The following CNTNAP5 variants were observed in gnomAD, a reference collection of about 807,000 sequenced individuals.
The protein encoded by CNTNAP5 is contactin associated protein family member 5, also known as contactin-associated protein-like 5.
CNTNAP5 carries 72 observed loss-of-function variants against 150.2 expected under a neutral mutation model. The ratio of observed to expected loss-of-function variants is 0.48; its 90% CI spans 0.40 to 0.58. The LOEUF (loss-of-function observed/expected upper bound fraction) is 0.58, where lower values mean the gene tolerates loss of function less well. Among genes scored for constraint, CNTNAP5 ranks in the 20% least tolerant of loss-of-function variants. CNTNAP5 has a pLI of 0.00. For synonymous variants in CNTNAP5, 672 were observed against 619.8 expected (o/e 1.08, Z -1.25); for missense variants, 1,636 against 1,626.2 (o/e 1.01, Z -0.10).
chr2:124,799,975 G>GTGA (rs1681931902), intron 19 of CNTNAP5, among the ~76,000 whole-genome samples: 1 of 152,210 alleles, frequency 6.6e-6, no homozygotes, highest in South Asian at 2.1e-4. Flanking sequence ...AGCCCTTTAT[G>GTGA]TGATTATGAT....
At chr2:124,240,792 A>C (rs1686866626) in intron 2 of CNTNAP5, among the ~76,000 whole-genome samples, 1 of 152,196 alleles carries the variant, frequency 6.6e-6, no homozygotes, top group South Asian at 2.1e-4. Flanking sequence ...TTAAAGACAG[A>C]ATAGGATTGG....
intron 7 of CNTNAP5, among the ~76,000 whole-genome samples, chr2:124,486,405 C>T (rs567363252): frequency 1.3e-5 from 2 of 152,152 alleles, no homozygotes; most frequent in Non-Finnish European, 2.9e-5. Context: ...CACTAAAGAA[C>T]TTACCGATGT....
chr2:124,829,626 C>A (rs1682671101), intron 19 of CNTNAP5, among the ~76,000 whole-genome samples: 1 of 151,694 alleles, frequency 6.6e-6, no homozygotes, highest in Non-Finnish European at 1.5e-5. Context: ...AATCATGCAA[C>A]AAAATTGGAA....
chr2:124,728,458 A>C (rs576009508), intron 13 of CNTNAP5, among the ~76,000 whole-genome samples: 31 of 152,144 alleles, frequency 2.0e-4, no homozygotes, highest in Middle Eastern at 3.4e-3. Flanking sequence ...TGCAATATTC[A>C]TACTCATTAT....
intron 3 of CNTNAP5, among the ~76,000 whole-genome samples, chr2:124,347,274 C>G (rs1239940756): frequency 6.6e-6 from 1 of 152,146 alleles, no homozygotes; most frequent in Non-Finnish European, 1.5e-5. Context: ...TGGAGAAAGA[C>G]TAGCTAAGGC....
intron 19 of CNTNAP5, among the ~76,000 whole-genome samples, chr2:124,823,922 CTT>C (rs758235068): frequency 5.7e-5 from 8 of 140,344 alleles, no homozygotes; most frequent in African/African-American, 7.9e-5. Context: ...TTTTTTTTTT[CTT>C]TTTTTTTTTT....
chr2:124,713,315 T>C (rs866482190), intron 13 of CNTNAP5, among the ~76,000 whole-genome samples: 93 of 96,740 alleles, frequency 9.6e-4, no homozygotes, highest in Admixed American at 1.6e-3. Context: ...TTTCTCTTTC[T>C]TTCCTTTCTT....
chr2:124,158,357 T>C (rs751986544), intron 1 of CNTNAP5, among the ~76,000 whole-genome samples: 3 of 152,226 alleles, frequency 2.0e-5, no homozygotes, highest in Non-Finnish European at 4.4e-5. Context: ...AAATTCCTTA[T>C]ATAAAATGGC....
At chr2:124,128,684 G>A (rs1372083623) in intron 1 of CNTNAP5, among the ~76,000 whole-genome samples, 6 of 152,140 alleles carry the variant, frequency 3.9e-5, no homozygotes, top group African/African-American at 1.2e-4. Flanking sequence ...ATGATATACT[G>A]GATTAAGAAA....
intron 2 of CNTNAP5, among the ~76,000 whole-genome samples, chr2:124,241,072 C>A (rs1413046507): frequency 1.3e-5 from 2 of 152,138 alleles, no homozygotes; most frequent in Non-Finnish European, 2.9e-5. Flanking sequence ...CTATCTCTAC[C>A]CATGGCATAA....
At chr2:124,330,832 T>C (rs891861705) in intron 3 of CNTNAP5, among the ~76,000 whole-genome samples, 2 of 152,128 alleles carry the variant, frequency 1.3e-5, no homozygotes, top group African/African-American at 2.4e-5. Flanking sequence ...CTGGAAGTCA[T>C]AGAATGCTTA....
chr2:124,163,735 A>C (rs1684743187), intron 1 of CNTNAP5, among the ~76,000 whole-genome samples: 1 of 151,772 alleles, frequency 6.6e-6, no homozygotes, highest in African/African-American at 2.4e-5. Flanking sequence ...CACCTTAATA[A>C]CTCTCCTCTT....
rs183619449 is a variant in CNTNAP5 at position 124,482,706 on chromosome 2, C to T, written c.1062+7824C>T. Among the ~76,000 whole-genome samples the T allele has an allele frequency of 3.3e-5, 5 of 152,160 alleles. No individual in the cohort carries two copies. The East Asian group carries it at 7.7e-4, about 24-fold the overall frequency. On this transcript the variant is annotated intron_variant, in intron 7 of 23. Transcript: ENST00000682447. ...TGGTGTGAAAAAGGAAGGAGGGCAG[C>T]GAAGGGCAGAGTGTGGAATCCCACT...
At chr2:124,386,154 C>G (rs1690921697) in intron 3 of CNTNAP5, among the ~76,000 whole-genome samples, 1 of 152,102 alleles carries the variant, frequency 6.6e-6, no homozygotes, top group South Asian at 2.1e-4. Flanking sequence ...TCTACTGGAA[C>G]CAAATGCCTG....
chr2:124,235,842 T>TCTGCAGAC (rs1686731982), intron 2 of CNTNAP5, among the ~76,000 whole-genome samples: 1 of 152,204 alleles, frequency 6.6e-6, no homozygotes, highest in Admixed American at 6.5e-5. Flanking sequence ...TTTGTTGTTT[T>TCTGCAGAC]CTGCAGACTG....
intron 17 of CNTNAP5, 21 bp from the exon 18 acceptor site, chr2:124,789,881 T>A: frequency 6.2e-7 from 1 of 1,611,290 alleles, no homozygotes; most frequent in Non-Finnish European, 8.5e-7. Context: ...TACATTTGTT[T>A]CCTTTTATTT....
intron 19 of CNTNAP5, among the ~76,000 whole-genome samples, chr2:124,816,917 G>A (rs533643330): frequency 1.1e-4 from 17 of 152,188 alleles, no homozygotes; most frequent in South Asian, 1.0e-3. Context: ...TCACATCATC[G>A]TTGCCATATT....
chr2:124,490,406 G>A (rs1002913629), intron 7 of CNTNAP5, among the ~76,000 whole-genome samples: 1 of 150,480 alleles, frequency 6.6e-6, no homozygotes, highest in African/African-American at 2.4e-5. Context: ...AGGGAGAAAG[G>A]AAGGAAGGAA....
intron 1 of CNTNAP5, among the ~76,000 whole-genome samples, chr2:124,157,527 C>A (rs1409923455): frequency 6.6e-6 from 1 of 152,120 alleles, no homozygotes; most frequent in Non-Finnish European, 1.5e-5. Context: ...AATTTCCTCA[C>A]TTACTTTCTA....
Sources: allele counts gnomAD v4.1 joint callset (sites outside exome capture counted in the v4.1 genomes callset), GRCh38; gene constraint gnomAD v4.1.1; transcripts MANE v1.5; gene names NCBI Gene and HGNC (gene_info 2026-07-23, HGNC 2026-07-21).